The following H4C3 variants were observed in gnomAD, a reference collection of about 807,000 sequenced individuals.
H4C3 encodes the protein H4 clustered histone 3.
In H4C3, 10 loss-of-function variants were observed where a neutral mutation model predicts 5.3. The ratio of observed to expected loss-of-function variants is 1.87; its 90% CI spans 1.16 to 3.18. The LOEUF (loss-of-function observed/expected upper bound fraction) is 3.18. Among genes scored for constraint, H4C3 ranks in the 30% most tolerant of loss-of-function variants. H4C3 has a pLI of 0.00. For synonymous variants in H4C3, 133 were observed against 56.8 expected, an observed-to-expected ratio of 2.34 and a Z score of -6.03; for missense variants, 191 against 152.5, an observed-to-expected ratio of 1.25 and a Z score of -1.33.
In H4C3 at chr6:26,103,998, G is replaced by A; in HGVS notation, c.51G>A (p.Lys17=). ...AAGGCTTGGGGAAGGGTGGTGCTAA[G>A]CGCCATCGTAAGGTGCTCCGGGATA... The part of the protein sequence containing the change: ...GGKGLGKGGA[K]RHRKVLRDNI... Residue 17 remains lysine (K), a synonymous_variant, in exon 1 of 1, where the codon AAG becomes AAA. Coordinates refer to ENST00000377803, the MANE Select transcript of H4C3 (RefSeq NM_003542.4). The A allele has an allele frequency of 6.2e-7, 1 of 1,614,022 alleles. No individual in the cohort carries two copies. Among genetic ancestry groups the A allele is most frequent in the Non-Finnish European group, 8.5e-7 (1 of 1,179,886 alleles).
rs1365207781 is a variant in H4C3 at position 26,104,050 on chromosome 6, A to G, written c.103A>G (p.Ile35Val). ...CATCCAGGGCATTACAAAACCGGCT[A>G]TTCGCCGTTTGGCTCGGCGCGGTGG... ...DNIQGITKPA[I>V]RRLARRGGVK... The change falls in exon 1 of 1, where the codon ATT becomes GTT. Residue 35 changes from isoleucine (I) to valine (V), a missense_variant. Transcript: ENST00000377803. The G allele has an allele frequency of 2.5e-6, 4 of 1,614,176 alleles. No homozygotes were observed. The highest frequency in any genetic ancestry group is 1.1e-5 in the South Asian group (1 of 91,076).
At position 26,104,135 on chromosome 6, in the gene H4C3, T is replaced by C. The variant is rs1242980859; in HGVS notation, c.188T>C (p.Leu63Ser). Residue 63 changes from leucine to serine, a missense_variant, in exon 1 of 1, where the codon TTA becomes TCA. Transcript: ENST00000377803. ...EETRGVLKVF[L>S]ENVIRDAVTY... ...ACTCGAGGTGTGCTTAAGGTTTTCT[T>C]AGAGAACGTTATTCGAGACGCCGTC... The C allele has an allele frequency of 6.2e-7, 1 of 1,614,110 alleles. No homozygotes were observed. The highest frequency in any genetic ancestry group is 1.7e-5 in the Admixed American group (1 of 60,018).
rs774049617 is a variant in H4C3, at chr6:26,104,193, C to G, written c.246C>G (p.Val82=). Residue 82 remains valine (V), a synonymous_variant, in exon 1 of 1, where the codon GTC becomes GTG. Transcript: ENST00000377803. The stretch of plus-strand genomic sequence containing the variant: ...CGGAGCACGCCAAGCGCAAAACTGT[C>G]ACAGCCATGGATGTAGTATATGCCC... The part of the protein sequence containing the change: ...TYTEHAKRKT[V]TAMDVVYALK... The G allele has an allele frequency of 6.2e-7, 1 of 1,614,176 alleles. No homozygotes were observed.
At position 26,104,070 on chromosome 6, in the gene H4C3, C is replaced by G. The variant is rs772431822; in HGVS notation, c.123C>G (p.Arg41=). Residue 41 remains arginine (R), a synonymous_variant, in exon 1 of 1, where the codon CGC becomes CGG. Coordinates refer to ENST00000377803, the MANE Select transcript of H4C3 (RefSeq NM_003542.4). ...CGGCTATTCGCCGTTTGGCTCGGCG[C>G]GGTGGCGTCAAGCGCATTTCCGGTC... ...TKPAIRRLAR[R]GGVKRISGLI... 1 of 1,614,180 alleles carries G rather than the reference C, an allele frequency of 6.2e-7. No homozygotes were observed. The highest frequency in any genetic ancestry group is 1.1e-5 in the South Asian group (1 of 91,074).
At position 26,103,968 on chromosome 6, in the gene H4C3, C is replaced by A. The variant is rs1217453774; in HGVS notation, c.21C>A (p.Gly7=). 14 of 1,608,416 alleles carry A rather than the reference C, an allele frequency of 8.7e-6. No homozygotes were observed. Among genetic ancestry groups the A allele is most frequent in the Non-Finnish European group, 1.2e-5 (14 of 1,175,700 alleles). ...GAATCATGTCTGGTCGCGGCAAAGGCGGAAAAGGCTTGGGGAAGGGTGGTG... is the reference window on the plus strand; with the variant it reads ...GAATCATGTCTGGTCGCGGCAAAGGAGGAAAAGGCTTGGGGAAGGGTGGTG... MSGRGK[G]GKGLGKGGAK... is the part of the protein sequence containing the mutation. Residue 7 remains glycine (G), a synonymous_variant, in exon 1 of 1, where the codon GGC becomes GGA. Coordinates refer to ENST00000377803, the MANE Select transcript of H4C3 (RefSeq NM_003542.4).
In H4C3 at chr6:26,104,134, T is replaced by C; in HGVS notation, c.187T>C (p.Leu63=). 1 of 1,614,148 alleles carries C rather than the reference T, an allele frequency of 6.2e-7. No homozygotes were observed. Among genetic ancestry groups the C allele is most frequent in the East Asian group, 2.2e-5 (1 of 44,882 alleles). The change falls in exon 1 of 1, where the codon TTA becomes CTA. Residue 63 remains leucine, a synonymous_variant. Transcript: ENST00000377803. ...EETRGVLKVF[L]ENVIRDAVTY... is the part of the protein sequence containing the mutation. ...GACTCGAGGTGTGCTTAAGGTTTTC[T>C]TAGAGAACGTTATTCGAGACGCCGT...
At position 26,104,053 on chromosome 6, in the gene H4C3, C is replaced by T; in HGVS notation, c.106C>T (p.Arg36Cys). The change falls in exon 1 of 1, where the codon CGC becomes TGC. Residue 36 changes from arginine (R) to cysteine (C), a missense_variant. Coordinates refer to ENST00000377803, the MANE Select transcript of H4C3 (RefSeq NM_003542.4). Reference sequence around the variant, plus strand: ...CCAGGGCATTACAAAACCGGCTATTCGCCGTTTGGCTCGGCGCGGTGGCGT... The same window carrying T: ...CCAGGGCATTACAAAACCGGCTATTTGCCGTTTGGCTCGGCGCGGTGGCGT... ...NIQGITKPAIRRLARRGGVKR... is the reference protein window; with the variant it reads ...NIQGITKPAICRLARRGGVKR... The T allele has an allele frequency of 6.2e-7, 1 of 1,614,136 alleles. No individual in the cohort carries two copies. Among genetic ancestry groups the T allele is most frequent in the Non-Finnish European group, 8.5e-7 (1 of 1,180,020 alleles).
At position 26,103,940 on chromosome 6, in the gene H4C3, T is replaced by C. The variant is rs1298205826; in HGVS notation, c.-8T>C. The C allele has an allele frequency of 1.3e-6, 2 of 1,595,970 alleles. No homozygotes were observed. Among genetic ancestry groups the C allele is most frequent in the African/African-American group, 1.3e-5 (1 of 74,246 alleles). On this transcript the variant is annotated 5_prime_UTR_variant, in exon 1 of 1. Transcript: ENST00000377803. ...TTTCAGTTCATACCTTCCACTGCGA[T>C]AGGAATCATGTCTGGTCGCGGCAAA...
In H4C3 at chr6:26,104,124, T is replaced by C; in HGVS notation, c.177T>C (p.Leu59=). Residue 59 remains leucine, a synonymous_variant, in exon 1 of 1, where the codon CTT becomes CTC. Coordinates refer to ENST00000377803, the MANE Select transcript of H4C3 (RefSeq NM_003542.4). ...TCTATGAGGAGACTCGAGGTGTGCT[T>C]AAGGTTTTCTTAGAGAACGTTATTC... The part of the protein sequence containing the change: ...GLIYEETRGV[L]KVFLENVIRD... The C allele has an allele frequency of 6.2e-7, 1 of 1,614,114 alleles. No individual in the cohort carries two copies. Among genetic ancestry groups the C allele is most frequent in the Non-Finnish European group, 8.5e-7 (1 of 1,180,010 alleles).
rs142325880 is a variant in H4C3, at chr6:26,104,241, G to C, written c.294G>C (p.Leu98=). 92 of 1,595,198 alleles carry C rather than the reference G, an allele frequency of 5.8e-5. No individual in the cohort carries two copies. The African/African-American group carries it at 9.9e-4, about 17-fold the overall frequency. Residue 98 remains leucine, a synonymous_variant, in exon 1 of 1, where the codon CTG becomes CTC. Transcript: ENST00000377803. ...CCCTAAAACGTCAGGGGCGCACTCT[G>C]TATGGCTTCGGCGGCTGAATCTAAG... is the stretch of plus-strand genomic sequence containing the variant. ...VYALKRQGRT[L]YGFGG
rs374272109 is a variant in H4C3, at chr6:26,104,136, A to G, written c.189A>G (p.Leu63=). ...CTCGAGGTGTGCTTAAGGTTTTCTTAGAGAACGTTATTCGAGACGCCGTCA... is the reference window on the plus strand; with the variant it reads ...CTCGAGGTGTGCTTAAGGTTTTCTTGGAGAACGTTATTCGAGACGCCGTCA... ...EETRGVLKVF[L]ENVIRDAVTY... is the part of the protein sequence containing the mutation. The change falls in exon 1 of 1, where the codon TTA becomes TTG. Residue 63 remains leucine (L), a synonymous_variant. Coordinates refer to ENST00000377803, the MANE Select transcript of H4C3 (RefSeq NM_003542.4). 1.0e-4 allele frequency: 161 copies of G among 1,614,054 alleles called. No individual in the cohort carries two copies. Among genetic ancestry groups the G allele is most frequent in the Non-Finnish European group, 1.2e-4 (143 of 1,180,042 alleles).
Position 26,104,032 on chromosome 6 carries a change from G to A in H4C3, c.85G>A (p.Gly29Ser), listed in dbSNP as rs184771900. The part of the protein sequence containing the change: ...HRKVLRDNIQ[G>S]ITKPAIRRLA... ...TAAGGTGCTCCGGGATAACATCCAG[G>A]GCATTACAAAACCGGCTATTCGCCG... is the stretch of plus-strand genomic sequence containing the variant. Residue 29 changes from glycine (G) to serine (S), a missense_variant, in exon 1 of 1, where the codon GGC becomes AGC. Gly to Ser is a moderately conservative substitution (Grantham distance 56). Transcript: ENST00000377803. The A allele has an allele frequency of 1.2e-5, 19 of 1,614,172 alleles. No homozygotes were observed. The highest frequency in any genetic ancestry group is 4.5e-5 in the East Asian group (2 of 44,874).
Position 26,104,178 on chromosome 6 carries a change from C to T in H4C3, c.231C>T (p.Ala77=). 1.9e-6 allele frequency: 3 copies of T among 1,614,116 alleles called. No individual in the cohort carries two copies. The highest frequency in any genetic ancestry group is 2.2e-5 in the East Asian group (1 of 44,888). Residue 77 remains alanine (A), a synonymous_variant, in exon 1 of 1, where the codon GCC becomes GCT. Coordinates refer to ENST00000377803, the MANE Select transcript of H4C3 (RefSeq NM_003542.4). ...ACGCCGTCACCTATACGGAGCACGC[C>T]AAGCGCAAAACTGTCACAGCCATGG... ...IRDAVTYTEH[A]KRKTVTAMDV...
At position 26,104,297 on chromosome 6, in the gene H4C3, CAA is replaced by C. The variant is rs754756765; in HGVS notation, c.*42_*43del. On this transcript the variant is annotated 3_prime_UTR_variant, in exon 1 of 1. Coordinates refer to ENST00000377803, the MANE Select transcript of H4C3 (RefSeq NM_003542.4). The stretch of plus-strand genomic sequence containing the variant: ...GCGGTCTCCTGAGAACTTCAAAAAA[CAA>C]AAACAAAAAAACCCAAAGGCCCTTT... 9.8e-6 allele frequency: 15 copies of C among 1,525,558 alleles called. No individual in the cohort carries two copies. The South Asian group carries it at 1.4e-4, about 14-fold the overall frequency. 94.5% of individuals were successfully genotyped at this position (1,525,558 alleles called of 1,614,324 possible).
rs769941868 is a variant in H4C3, at chr6:26,104,013, G to C, written c.66G>C (p.Val22=). The C allele has an allele frequency of 6.2e-7, 1 of 1,614,174 alleles. No individual in the cohort carries two copies. Among genetic ancestry groups the C allele is most frequent in the Non-Finnish European group, 8.5e-7 (1 of 1,180,026 alleles). ...GTGGTGCTAAGCGCCATCGTAAGGTGCTCCGGGATAACATCCAGGGCATTA... is the reference window on the plus strand; with the variant it reads ...GTGGTGCTAAGCGCCATCGTAAGGTCCTCCGGGATAACATCCAGGGCATTA... ...GKGGAKRHRK[V]LRDNIQGITK... The change falls in exon 1 of 1, where the codon GTG becomes GTC. Residue 22 remains valine (V), a synonymous_variant. Transcript: ENST00000377803.
In H4C3 at chr6:26,104,207, T is replaced by C. The variant is rs1402613153; in HGVS notation, c.260T>C (p.Val87Ala). Residue 87 changes from valine to alanine, a missense_variant, in exon 1 of 1, where the codon GTA (valine) becomes GCA (alanine). Coordinates refer to ENST00000377803, the MANE Select transcript of H4C3 (RefSeq NM_003542.4). ...AKRKTVTAMDVVYALKRQGRT... is the reference protein window; with the variant it reads ...AKRKTVTAMDAVYALKRQGRT... Reference sequence around the variant, plus strand: ...CGCAAAACTGTCACAGCCATGGATGTAGTATATGCCCTAAAACGTCAGGGG... The same window carrying C: ...CGCAAAACTGTCACAGCCATGGATGCAGTATATGCCCTAAAACGTCAGGGG... 6.2e-7 allele frequency: 1 copy of C among 1,614,010 alleles called. No individual in the cohort carries two copies. Among genetic ancestry groups the C allele is most frequent in the East Asian group, 2.2e-5 (1 of 44,886 alleles).
Position 26,103,962 on chromosome 6 carries a change from C to A in H4C3, c.15C>A (p.Gly5=), listed in dbSNP as rs1282470510. MSGR[G]KGGKGLGKGG... ...CGATAGGAATCATGTCTGGTCGCGG[C>A]AAAGGCGGAAAAGGCTTGGGGAAGG... Residue 5 remains glycine (G), a synonymous_variant, in exon 1 of 1, where the codon GGC becomes GGA. Transcript: ENST00000377803. The A allele has an allele frequency of 1.2e-6, 2 of 1,607,500 alleles. No homozygotes were observed. The highest frequency in any genetic ancestry group is 1.7e-5 in the Admixed American group (1 of 59,736).
At position 26,104,002 on chromosome 6, in the gene H4C3, C is replaced by T. The variant is rs1295273211; in HGVS notation, c.55C>T (p.His19Tyr). The stretch of plus-strand genomic sequence containing the variant: ...CTTGGGGAAGGGTGGTGCTAAGCGC[C>T]ATCGTAAGGTGCTCCGGGATAACAT... The part of the protein sequence containing the change: ...KGLGKGGAKR[H>Y]RKVLRDNIQG... The change falls in exon 1 of 1, where the codon CAT becomes TAT. Residue 19 changes from histidine (H) to tyrosine (Y), a missense_variant. His to Tyr is a moderately conservative substitution (Grantham distance 83). Coordinates refer to ENST00000377803, the MANE Select transcript of H4C3 (RefSeq NM_003542.4). The T allele has an allele frequency of 1.9e-6, 3 of 1,613,922 alleles. No individual in the cohort carries two copies. The highest frequency in any genetic ancestry group is 2.7e-5 in the African/African-American group (2 of 74,914).
chr6:26,104,238 T>C lies in H4C3; in HGVS notation c.291T>C (p.Thr97=). The part of the protein sequence containing the change: ...VVYALKRQGR[T]LYGFGG ...ATGCCCTAAAACGTCAGGGGCGCAC[T>C]CTGTATGGCTTCGGCGGCTGAATCT... Residue 97 remains threonine (T), a synonymous_variant, in exon 1 of 1, where the codon ACT becomes ACC. Coordinates refer to ENST00000377803, the MANE Select transcript of H4C3 (RefSeq NM_003542.4). The C allele has an allele frequency of 6.3e-7, 1 of 1,599,040 alleles. No individual in the cohort carries two copies. The highest frequency in any genetic ancestry group is 8.6e-7 in the Non-Finnish European group (1 of 1,168,454).
Sources: allele counts gnomAD v4.1 joint callset, GRCh38; gene constraint gnomAD v4.1.1; transcripts MANE v1.5; gene names NCBI Gene and HGNC (gene_info 2026-07-23, HGNC 2026-07-21).